MNAT1: variants seen among roughly 807,000 people sequenced by gnomAD.
MNAT1 encodes the protein MNAT1 component of CDK activating kinase.
A neutral mutation model predicts 42.0 loss-of-function variants in MNAT1; 43 were observed. The ratio of observed to expected loss-of-function variants is 1.02; its 90% CI spans 0.80 to 1.32. The LOEUF is 1.32. MNAT1 is among the 40% of genes most tolerant of loss of function. MNAT1 has a pLI of 0.00. For synonymous variants in MNAT1, 118 were observed against 120.0 expected (o/e 0.98, Z 0.11); for missense variants, 306 against 350.4 (o/e 0.87, Z 1.01).
At chr14:60,963,467 A>T (rs2139624223) in intron 7 of MNAT1, among the ~76,000 whole-genome samples, 1 of 152,254 alleles carries the variant, frequency 6.6e-6, no homozygotes, top group South Asian at 2.1e-4. Flanking sequence ...TTTGCTTTTT[A>T]GTGATAGTTG....
At chr14:60,795,580 G>C (rs1007299897) in intron 1 of MNAT1, among the ~76,000 whole-genome samples, 1 of 152,060 alleles carries the variant, frequency 6.6e-6, no homozygotes, top group East Asian at 1.9e-4. Context: ...AACTTTAACC[G>C]AATAAAGCTT....
At chr14:60,879,582 C>A (rs1193450377) in intron 6 of MNAT1, 132 bp from the exon 7 acceptor site, 2 of 780,226 alleles carry the variant, frequency 2.6e-6, no homozygotes, top group Non-Finnish European at 3.9e-6. Flanking sequence ...ATGCATTGTA[C>A]CCATGGAACA....
rs1169429243 is a variant in MNAT1 at position 60,869,023 on chromosome 14, C to CATATATATATAT, written c.688-10684_688-10673dup. Among the ~76,000 whole-genome samples the CATATATATATAT allele has an allele frequency of 4.0e-3, 406 of 101,698 alleles. 7 individuals carry two copies. The highest frequency in any genetic ancestry group is 5.7e-3 in the African/African-American group (176 of 30,820). The allele number at this position is 101,698 out of a possible 152,430, so 66.7% of individuals were successfully genotyped here. A position where few individuals can be genotyped will look rare whatever the true frequency, so the allele number is the denominator to read the frequency against. The stretch of plus-strand genomic sequence containing the variant: ...CTTTTTTATATTGTGTTATTTTATA[C>CATATATATATAT]ATATATATATATATATATTTTTTTT... On this transcript the variant is annotated intron_variant, in intron 6 of 7. Coordinates refer to ENST00000261245, the MANE Select transcript of MNAT1 (RefSeq NM_002431.4).
intron 1 of MNAT1, among the ~76,000 whole-genome samples, chr14:60,750,660 T>C (rs1369412480): frequency 6.6e-6 from 1 of 152,060 alleles, no homozygotes; most frequent in African/African-American, 2.4e-5. Flanking sequence ...AAAATTACTA[T>C]TTGCTAAAGA....
At chr14:60,843,732 T>A (rs1163588826) in intron 6 of MNAT1, among the ~76,000 whole-genome samples, 1 of 152,058 alleles carries the variant, frequency 6.6e-6, no homozygotes, top group Non-Finnish European at 1.5e-5. Context: ...ATAATTTCTC[T>A]TGTCTGTGGC....
At chr14:60,869,854 A>G (rs1356630394) in intron 6 of MNAT1, among the ~76,000 whole-genome samples, 1 of 152,092 alleles carries the variant, frequency 6.6e-6, no homozygotes, top group Non-Finnish European at 1.5e-5. Context: ...GGTTTGTTGC[A>G]TTCTAAATGT....
chr14:60,835,334 C>T (rs1054609778), intron 6 of MNAT1, among the ~76,000 whole-genome samples: 12 of 152,118 alleles, frequency 7.9e-5, no homozygotes, highest in African/African-American at 2.9e-4. Context: ...GCAGTTTCTT[C>T]ATAGTGTTGA....
chr14:60,830,299 C>G (rs910052213), intron 6 of MNAT1, among the ~76,000 whole-genome samples: 1 of 152,084 alleles, frequency 6.6e-6, no homozygotes, highest in South Asian at 2.1e-4. Context: ...ACACTAATTT[C>G]AAAACACACA....
In MNAT1 at chr14:60,734,991, G is replaced by T. The variant is rs772176757; in HGVS notation, c.89+40G>T. On this transcript the variant is annotated intron_variant, in intron 1 of 7. Transcript: ENST00000261245. The surrounding 1 kb of genome is among the most constrained non-coding windows in gnomAD (Gnocchi z 4.3). ...AGTGGATTCCCTGGGGGAGAGACGC[G>T]CTGGGTGGGAGGAGAGGACCGGGAG... 3 of 1,593,148 alleles carry T rather than the reference G, an allele frequency of 1.9e-6. No homozygotes were observed. Among genetic ancestry groups the T allele is most frequent in the East Asian group, 2.2e-5 (1 of 44,784 alleles).
chr14:60,759,396 A>G (rs189107544), intron 1 of MNAT1, among the ~76,000 whole-genome samples: 1 of 152,202 alleles, frequency 6.6e-6, no homozygotes, highest in African/African-American at 2.4e-5. Context: ...TGGCTTGCAC[A>G]GCATTTAAAT....
intron 1 of MNAT1, among the ~76,000 whole-genome samples, chr14:60,787,937 A>G (rs1476505211): frequency 6.6e-6 from 1 of 152,132 alleles, no homozygotes; most frequent in Non-Finnish European, 1.5e-5. Context: ...ACTTCTTCCA[A>G]ATGCCTTTTA....
At chr14:60,828,389 T>C (rs886419546) in intron 6 of MNAT1, among the ~76,000 whole-genome samples, 1 of 152,082 alleles carries the variant, frequency 6.6e-6, no homozygotes, top group African/African-American at 2.4e-5. Flanking sequence ...GAAGGTAGAG[T>C]TTGTGACTTA....
intron 7 of MNAT1, among the ~76,000 whole-genome samples, chr14:60,887,633 C>T (rs1010393515): frequency 2.6e-5 from 4 of 151,708 alleles, no homozygotes; most frequent in African/African-American, 9.7e-5. Context: ...CACAAAAAAC[C>T]CTTCAAAAAA....
intron 7 of MNAT1, among the ~76,000 whole-genome samples, chr14:60,931,946 AGT>A (rs1196093376): frequency 6.6e-6 from 1 of 151,948 alleles, no homozygotes; most frequent in African/African-American, 2.4e-5. Flanking sequence ...TTGAGAATTA[AGT>A]GTGTTATTTG....
intron 1 of MNAT1, among the ~76,000 whole-genome samples, chr14:60,789,332 C>A (rs1368675935): frequency 6.6e-6 from 1 of 152,044 alleles, no homozygotes; most frequent in Middle Eastern, 3.2e-3. Flanking sequence ...GATCACTGAT[C>A]ACATAACACC....
chr14:60,924,274 A>G (rs1423674290), intron 7 of MNAT1, among the ~76,000 whole-genome samples: 1 of 152,012 alleles, frequency 6.6e-6, no homozygotes, highest in African/African-American at 2.4e-5. Context: ...GATATTTGCA[A>G]TACAGTTTAT....
chr14:60,869,641 C>A (rs1012176784), intron 6 of MNAT1, among the ~76,000 whole-genome samples: 1 of 152,044 alleles, frequency 6.6e-6, no homozygotes. Context: ...TTTAACCTAT[C>A]GGCCTAAATT....
intron 6 of MNAT1, among the ~76,000 whole-genome samples, chr14:60,830,873 G>A (rs758987750): frequency 5.3e-5 from 8 of 151,188 alleles, no homozygotes; most frequent in Non-Finnish European, 1.0e-4. Context: ...CTGTGGTTAA[G>A]TTTGAAAACC....
chr14:60,951,763 AT>A lies in MNAT1; in HGVS notation c.810-16456del, dbSNP rs958246813. On this transcript the variant is annotated intron_variant, in intron 7 of 7. Transcript: ENST00000261245. The stretch of plus-strand genomic sequence containing the variant: ...TCTTTTATAAGTGAGGTTCATTTAA[AT>A]TTTTTTTTTCCATTTTACTGTGAAT... Among the ~76,000 whole-genome samples the A allele has an allele frequency of 1.7e-4, 25 of 148,768 alleles. No homozygotes were observed. The South Asian group carries it at 2.6e-3, about 15-fold the overall frequency.
Sources: gnomAD v4.1 joint callset for allele counts (sites outside exome capture counted in the v4.1 genomes callset) on GRCh38, gnomAD v4.1.1 for gene constraint, Gnocchi (gnomAD v3.1) non-coding constraint, MANE v1.5 for transcripts, NCBI Gene and HGNC (gene_info 2026-07-23, HGNC 2026-07-21) for gene names.